Variants in RC3H1 observed in about 807,000 individuals in gnomAD.
The protein encoded by RC3H1 is roquin-1.
RC3H1 carries 50 observed loss-of-function variants against 138.2 expected under a neutral mutation model. The ratio of observed to expected loss-of-function variants is 0.36; its 90% CI spans 0.29 to 0.46. RC3H1 has a LOEUF of 0.46. Ranked by LOEUF, RC3H1 falls within the 20% of genes least tolerant of loss-of-function variation. The pLI, the probability that RC3H1 is intolerant of heterozygous loss-of-function variation, is 1.00. For synonymous variants in RC3H1, 462 were observed against 489.1 expected (o/e 0.94, Z 0.73); for missense variants, 1,031 against 1,388.1 (o/e 0.74, Z 4.09).
intron 14 of RC3H1, among the ~76,000 whole-genome samples, chr1:173,949,139 GGT>G (rs1189698955): frequency 1.1e-5 from 1 of 93,044 alleles, no homozygotes; most frequent in African/African-American, 3.6e-5. Context: ...TGGGGGGGGG[GGT>G]GGGGCTGGCA....
intron 1 of RC3H1, among the ~76,000 whole-genome samples, chr1:174,019,845 C>T (rs1188161657): frequency 1.3e-5 from 2 of 151,986 alleles, no homozygotes; most frequent in South Asian, 2.1e-4. Flanking sequence ...AACAGAAATA[C>T]GGACCCAGAC....
At chr1:173,976,262 C>T (rs1289073535) in intron 7 of RC3H1, among the ~76,000 whole-genome samples, 3 of 151,570 alleles carry the variant, frequency 2.0e-5, no homozygotes, top group Admixed American at 6.6e-5. Context: ...GATGGTGAAA[C>T]CCTGTTTCTA....
chr1:173,953,604 T>C (rs888148178), intron 13 of RC3H1, among the ~76,000 whole-genome samples: 1 of 152,120 alleles, frequency 6.6e-6, no homozygotes, highest in Non-Finnish European at 1.5e-5. Flanking sequence ...CTGTAGTGTA[T>C]TATATGTAGC....
chr1:174,008,706 G>A (rs1661696769), intron 1 of RC3H1, among the ~76,000 whole-genome samples: 1 of 152,088 alleles, frequency 6.6e-6, no homozygotes. Flanking sequence ...GCCAGGTGTG[G>A]TGACTCACAC....
intron 1 of RC3H1, among the ~76,000 whole-genome samples, chr1:173,996,915 GT>G (rs145400110): frequency 2.7e-5 from 4 of 146,986 alleles, no homozygotes; most frequent in African/African-American, 5.0e-5. Context: ...AAGGAATTCT[GT>G]TTTTTTTTTG....
chr1:173,981,200 T>C (rs1032775537), intron 5 of RC3H1, among the ~76,000 whole-genome samples, 191 bp from the exon 6 acceptor site: 4 of 152,208 alleles, frequency 2.6e-5, no homozygotes, highest in African/African-American at 7.2e-5. Flanking sequence ...CTGAGTCAAG[T>C]TGGATTTAGG....
At chr1:173,983,759 G>T in intron 3 of RC3H1, 102 bp from the exon 4 acceptor site, 1 of 1,110,160 alleles carries the variant, frequency 9.0e-7, no homozygotes, top group Non-Finnish European at 1.3e-6. Context: ...GACTAGTTCT[G>T]GGACTACTAG....
chr1:173,950,420 CA>C (rs60259705), intron 14 of RC3H1, among the ~76,000 whole-genome samples: 3,954 of 63,626 alleles, frequency 0.062, 304 homozygotes, highest in African/African-American at 0.25. Context: ...TCATCTCTAC[CA>C]AAAAAAAAAA....
At chr1:173,967,347 C>G (rs925540392) in intron 9 of RC3H1, among the ~76,000 whole-genome samples, 1 of 152,078 alleles carries the variant, frequency 6.6e-6, no homozygotes, top group African/African-American at 2.4e-5. Context: ...TAATTATGAA[C>G]ATGTACTTGC....
At chr1:173,979,712 C>T (rs1230753940) in intron 6 of RC3H1, among the ~76,000 whole-genome samples, 1 of 152,138 alleles carries the variant, frequency 6.6e-6, no homozygotes, top group African/African-American at 2.4e-5. Flanking sequence ...AAAGGTACTC[C>T]TCTAATAGAT....
intron 1 of RC3H1, among the ~76,000 whole-genome samples, chr1:174,010,078 T>C (rs1026345169): frequency 6.6e-6 from 1 of 152,148 alleles, no homozygotes; most frequent in Non-Finnish European, 1.5e-5. Context: ...CTTTCTTTAG[T>C]GATACCACTA....
At chr1:173,951,193 C>A (rs935528299) in intron 14 of RC3H1, among the ~76,000 whole-genome samples, 1 of 152,028 alleles carries the variant, frequency 6.6e-6, no homozygotes, top group African/African-American at 2.4e-5. Context: ...GCCGTGGTGG[C>A]GCATGCCTCT....
chr1:173,952,263 A>G (rs1244445869), intron 13 of RC3H1, 125 bp from the exon 14 acceptor site: 1 of 518,910 alleles, frequency 1.9e-6, no homozygotes, highest in African/African-American at 2.0e-5. Flanking sequence ...CTGAAGCAAC[A>G]TAATGATGAT....
At chr1:173,996,610 G>A (rs116401997) in intron 1 of RC3H1, among the ~76,000 whole-genome samples, 1,898 of 152,178 alleles carry the variant, frequency 0.012, 51 homozygotes, top group African/African-American at 0.043. Context: ...AACTTTCCTC[G>A]TTACCATGCT....
chr1:173,937,028 T>C lies in RC3H1; in HGVS notation c.*1693A>G, dbSNP rs1452792074. ...AAGCCAATATGTGTATATCAAATCC[T>C]TGACCAGCCAGGTCTGTAGGGCATA... is the stretch of plus-strand genomic sequence containing the variant. On this transcript the variant is annotated 3_prime_UTR_variant, in exon 20 of 20. Transcript: ENST00000367696. 6.6e-6 allele frequency: 1 copy of C among 150,888 alleles called. No individual in the cohort carries two copies. Among genetic ancestry groups the C allele is most frequent in the East Asian group, 1.9e-4 (1 of 5,194 alleles). The allele number at this position is 150,888 out of a possible 1,614,324, so 9.3% of individuals were successfully genotyped here.
chr1:174,011,225 AAACT>A (rs1404252970), intron 1 of RC3H1, among the ~76,000 whole-genome samples: 11 of 152,134 alleles, frequency 7.2e-5, no homozygotes, highest in African/African-American at 2.7e-4. Flanking sequence ...ATTTCTGAAA[AAACT>A]AACTCAGATA....
At chr1:174,017,074 T>C (rs1335671756) in intron 1 of RC3H1, among the ~76,000 whole-genome samples, 1 of 152,182 alleles carries the variant, frequency 6.6e-6, no homozygotes, top group Non-Finnish European at 1.5e-5. Flanking sequence ...CTGAATAAAA[T>C]AGTCATAAAG....
At chr1:173,970,869 A>G (rs1395962817) in intron 8 of RC3H1, among the ~76,000 whole-genome samples, 1 of 152,154 alleles carries the variant, frequency 6.6e-6, no homozygotes, top group Non-Finnish European at 1.5e-5. Flanking sequence ...GTAGCATAAT[A>G]TAAATTCTTG....
chr1:173,955,457 G>A (rs926070154), intron 13 of RC3H1, among the ~76,000 whole-genome samples: 1 of 150,238 alleles, frequency 6.7e-6, no homozygotes, highest in Non-Finnish European at 1.5e-5. Context: ...AGCTGGGACC[G>A]CAGATGCCCA....
Sources: gnomAD v4.1 joint callset for allele counts (sites outside exome capture counted in the v4.1 genomes callset) on GRCh38, gnomAD v4.1.1 for gene constraint, MANE v1.5 for transcripts, NCBI Gene and HGNC (gene_info 2026-07-23, HGNC 2026-07-21) for gene names.